SYNGR1: variants seen among roughly 807,000 people sequenced by gnomAD.
The protein encoded by SYNGR1 is synaptogyrin 1.
In SYNGR1, 14 loss-of-function variants were observed where a neutral mutation model predicts 26.1. The ratio of observed to expected loss-of-function variants is 0.54; its 90% confidence interval spans 0.35 to 0.84. The LOEUF is 0.84. Ranked by LOEUF, SYNGR1 falls within the 40% of genes least tolerant of loss-of-function variation. SYNGR1 has a pLI of 0.01. For synonymous variants in SYNGR1, 141 were observed against 150.1 expected, an observed-to-expected ratio of 0.94 and a Z score of 0.44; for missense variants, 319 against 332.9, an observed-to-expected ratio of 0.96 and a Z score of 0.33.
At chr22:39,358,382 C>T (rs867361276) in intron 1 of SYNGR1, among the ~76,000 whole-genome samples, 3 of 152,362 alleles carry the variant, frequency 2.0e-5, no homozygotes, top group Admixed American at 6.5e-5. Context: ...GCTGCCCGAG[C>T]TTGCATTGGC....
At chr22:39,364,112 A>G in intron 1 of SYNGR1, 2 of 1,606,582 alleles carry the variant, frequency 1.2e-6, no homozygotes, top group Non-Finnish European at 8.5e-7. Flanking sequence ...GGGAGATACC[A>G]TCTCCCCTCA....
chr22:39,362,036 CGAG>C (rs1257335817), intron 1 of SYNGR1, among the ~76,000 whole-genome samples: 2 of 137,874 alleles, frequency 1.5e-5, no homozygotes, highest in African/African-American at 5.8e-5. Flanking sequence ...TTTGTAGAGA[CGAG>C]GCCTCACTAT....
intron 1 of SYNGR1, among the ~76,000 whole-genome samples, chr22:39,363,130 G>A (rs113926880): frequency 1.6e-4 from 24 of 152,218 alleles, no homozygotes; most frequent in African/African-American, 5.3e-4. Flanking sequence ...GGAAAGAGCC[G>A]AGTGTGAATG....
chr22:39,364,290 A>C, intron 1 of SYNGR1: 1 of 1,613,136 alleles, frequency 6.2e-7, no homozygotes, highest in South Asian at 1.1e-5. Flanking sequence ...GCAGGCCCGG[A>C]TGTGAGGCAG....
At chr22:39,374,880 A>C (rs1601664695) in intron 2 of SYNGR1, 1 of 404,608 alleles carries the variant, frequency 2.5e-6, no homozygotes, top group Non-Finnish European at 4.7e-6. Flanking sequence ...CTTCTGTGCC[A>C]CCTCCCTGGG....
rs61426542 is a variant in SYNGR1, at chr22:39,378,373, GTTCATTCA to G, written c.483+2196_483+2203del. The G allele has an allele frequency of 1.0e-4, 91 of 870,460 alleles. No individual in the cohort carries two copies. In the African/African-American group the frequency reaches 1.5e-3, roughly 14 times the overall value. 53.9% of individuals were successfully genotyped at this position (870,460 alleles called of 1,614,324 possible). A position where few individuals can be genotyped will look rare whatever the true frequency, so the allele number is the denominator to read the frequency against. On this transcript the variant is annotated intron_variant, in intron 3 of 3. Transcript: ENST00000328933. ...ATGCTCAATAAATGTAAGCTCTTTT[GTTCATTCA>G]TTCATTCATTCATTCATTCTTCTCT... is the stretch of plus-strand genomic sequence containing the variant.
rs776957184 is a variant in SYNGR1 at position 39,381,940 on chromosome 22, C to T, written c.*26C>T. ...GCCACAGTGACCGCCTGCCCCCGCC[C>T]CTCCCCATCTGTCCCCTCTCTCCAC... On this transcript the variant is annotated 3_prime_UTR_variant, in exon 4 of 4. Transcript: ENST00000328933. The T allele has an allele frequency of 1.3e-6, 2 of 1,574,544 alleles. No homozygotes were observed. The highest frequency in any genetic ancestry group is 2.7e-5 in the African/African-American group (2 of 73,936).
intron 1 of SYNGR1, among the ~76,000 whole-genome samples, chr22:39,368,862 T>C (rs1274636570): frequency 6.6e-6 from 1 of 152,346 alleles, no homozygotes; most frequent in Non-Finnish European, 1.5e-5. Flanking sequence ...CCTGGTGTTA[T>C]TCCTCTTTTC....
At chr22:39,355,390 G>A (rs889925608) in intron 1 of SYNGR1, among the ~76,000 whole-genome samples, 80 of 152,236 alleles carry the variant, frequency 5.3e-4, no homozygotes, top group Non-Finnish European at 2.5e-4. Context: ...CACGGCCCTT[G>A]TTTGTTATTT....
At chr22:39,374,803 T>C in intron 2 of SYNGR1, 1 of 563,626 alleles carries the variant, frequency 1.8e-6, no homozygotes, top group Non-Finnish European at 3.2e-6. Context: ...CCTTCTAGTC[T>C]AAGGGACCCA....
rs111652339 is a variant in SYNGR1, at chr22:39,378,372, T to TGTTC, written c.483+2176_483+2179dup. 892 of 595,598 alleles carry TGTTC rather than the reference T, an allele frequency of 1.5e-3. 1 individual carries two copies. Among genetic ancestry groups the TGTTC allele is most frequent in the Non-Finnish European group, 1.7e-3 (863 of 509,972 alleles). 36.9% of individuals were successfully genotyped at this position (595,598 alleles called of 1,614,324 possible). On this transcript the variant is annotated intron_variant, in intron 3 of 3. Transcript: ENST00000328933. ...CATGCTCAATAAATGTAAGCTCTTT[T>TGTTC]GTTCATTCATTCATTCATTCATTCA...
chr22:39,374,481 G>T lies in SYNGR1; in HGVS notation c.265G>T (p.Asp89Tyr). 1 of 1,613,868 alleles carries T rather than the reference G, an allele frequency of 6.2e-7. No homozygotes were observed. Among genetic ancestry groups the T allele is most frequent in the Non-Finnish European group, 8.5e-7 (1 of 1,180,028 alleles). Residue 89 changes from aspartate to tyrosine, a missense_variant, in exon 2 of 4, where the codon GAC (aspartate) becomes TAC (tyrosine). By Grantham distance (160) the Asp-to-Tyr change is radical. Coordinates refer to ENST00000328933, the MANE Select transcript of SYNGR1 (RefSeq NM_004711.5). ...FLTCLLYLALDVYFPQISSVK... is the reference protein window; with the variant it reads ...FLTCLLYLALYVYFPQISSVK... Reference sequence around the variant, plus strand: ...CACCTGCCTGCTGTACCTGGCCCTGGACGTGTACTTCCCGCAGATCAGCAG... The same window carrying T: ...CACCTGCCTGCTGTACCTGGCCCTGTACGTGTACTTCCCGCAGATCAGCAG...
chr22:39,373,127 T>C (rs895994004), intron 1 of SYNGR1, among the ~76,000 whole-genome samples: 3 of 150,030 alleles, frequency 2.0e-5, no homozygotes, highest in Non-Finnish European at 4.4e-5. Context: ...CTATTGTTAT[T>C]TTCTATTTAA....
chr22:39,353,306 C>T (rs1352658064), intron 1 of SYNGR1, among the ~76,000 whole-genome samples: 2 of 152,166 alleles, frequency 1.3e-5, no homozygotes, highest in Non-Finnish European at 2.9e-5. Flanking sequence ...GCCCCTGGGT[C>T]AGCCTGCACA....
chr22:39,382,799 A>C lies in SYNGR1; in HGVS notation c.*885A>C, dbSNP rs1925541650. The C allele has an allele frequency of 6.5e-6, 1 of 152,790 alleles. No homozygotes were observed. The highest frequency in any genetic ancestry group is 2.1e-4 in the South Asian group (1 of 4,840). 9.5% of individuals were successfully genotyped at this position (152,790 alleles called of 1,614,324 possible). Reference sequence around the variant, plus strand: ...CCCCTGGCCCTTGGCCTCCTCCAAGAGGGCTCACCCCGGGTGCTGCTCTGT... The same window carrying C: ...CCCCTGGCCCTTGGCCTCCTCCAAGCGGGCTCACCCCGGGTGCTGCTCTGT... On this transcript the variant is annotated 3_prime_UTR_variant, in exon 4 of 4. Transcript: ENST00000328933.
At chr22:39,361,300 C>T (rs1164946779) in intron 1 of SYNGR1, among the ~76,000 whole-genome samples, 6 of 146,794 alleles carry the variant, frequency 4.1e-5, no homozygotes, top group African/African-American at 1.0e-4. Flanking sequence ...ACTGGCAGGG[C>T]GGGGGCAGGC....
At position 39,384,515 on chromosome 22, in the gene SYNGR1, G is replaced by A. The variant is rs1355137819; in HGVS notation, c.*2601G>A. On this transcript the variant is annotated 3_prime_UTR_variant, in exon 4 of 4. Transcript: ENST00000328933. Reference sequence around the variant, plus strand: ...GCCCAGGATGGAGATGAGAGAGGGTGAGAGATGGAGGGCGAGATTTGGATG... The same window carrying A: ...GCCCAGGATGGAGATGAGAGAGGGTAAGAGATGGAGGGCGAGATTTGGATG... The A allele has an allele frequency of 1.3e-5, 5 of 398,762 alleles. No individual in the cohort carries two copies. Among genetic ancestry groups the A allele is most frequent in the Non-Finnish European group, 2.2e-5 (5 of 226,174 alleles). The allele number at this position is 398,762 out of a possible 1,614,324, so 24.7% of individuals were successfully genotyped here.
chr22:39,376,301 G>A, intron 3 of SYNGR1, 104 bp downstream of exon 3: 1 of 1,576,120 alleles, frequency 6.3e-7, no homozygotes, highest in Non-Finnish European at 8.7e-7. Flanking sequence ...GCCTCTGGGA[G>A]CCCACACTAC....
At chr22:39,369,599 C>G (rs7286714) in intron 1 of SYNGR1, among the ~76,000 whole-genome samples, 85,607 of 152,074 alleles carry the variant, frequency 0.56, 26,449 homozygotes, top group East Asian at 0.95. Context: ...GAACACAGGT[C>G]TGGGAATCAG....
Sources: gnomAD v4.1 joint callset for allele counts (sites outside exome capture counted in the v4.1 genomes callset) on GRCh38, gnomAD v4.1.1 for gene constraint, MANE v1.5 for transcripts, NCBI Gene and HGNC (gene_info 2026-07-23, HGNC 2026-07-21) for gene names.